MED1: variants seen among roughly 807,000 people sequenced by gnomAD.
MED1 encodes the protein mediator of RNA polymerase II transcription subunit 1.
A neutral mutation model predicts 121.3 loss-of-function variants in MED1; 17 were observed. The ratio of observed to expected loss-of-function variants is 0.14; its 90% confidence interval spans 0.10 to 0.21. MED1 has a LOEUF of 0.21. MED1 is among the 10% of genes least tolerant of loss of function. The pLI is 1.00. For synonymous variants in MED1, 661 were observed against 694.4 expected, an observed-to-expected ratio of 0.95 and a Z score of 0.76; for missense variants, 1,558 against 1,919.4, an observed-to-expected ratio of 0.81 and a Z score of 3.52.
chr17:39,434,537 G>A (rs1031453209), intron 6 of MED1, among the ~76,000 whole-genome samples: 1 of 152,146 alleles, frequency 6.6e-6, no homozygotes, highest in Non-Finnish European at 1.5e-5. Flanking sequence ...TTCTGGAGAA[G>A]GTGCTAATAA....
chr17:39,435,009 C>CA (rs1405600632), intron 6 of MED1, among the ~76,000 whole-genome samples: 2 of 150,786 alleles, frequency 1.3e-5, no homozygotes, highest in Non-Finnish European at 3.0e-5. Context: ...ATTAAAAATA[C>CA]AAAAAAAAAT....
Position 39,409,348 on chromosome 17 carries a change from A to T in MED1, c.2873T>A (p.Leu958Gln). 1 of 1,614,060 alleles carries T rather than the reference A, an allele frequency of 6.2e-7. No homozygotes were observed. Among genetic ancestry groups the T allele is most frequent in the Admixed American group, 1.7e-5 (1 of 60,002 alleles). The change falls in exon 17 of 17, where the codon CTG (leucine) becomes CAG (glutamine). Residue 958 changes from leucine to glutamine, a missense_variant. By Grantham distance (113) the Leu-to-Gln change is moderately radical (BLOSUM62 -2). Transcript: ENST00000300651. ...TTCTTTCCCTAAGTCCCCAGTGGTC[A>T]GTAAAGGACCCTGACTACCACTGTG... ...EHHSGSQGPL[L>Q]TTGDLGKEKT...
chr17:39,419,873 G>C lies in MED1; in HGVS notation c.1141C>G (p.Pro381Ala). ...QHCYFLNKDAPLPDGRSLQGT... is the reference protein window; with the variant it reads ...QHCYFLNKDAALPDGRSLQGT... ...TGTAGACTTCGGCCATCTGGAAGAG[G>C]AGCATCCTTGTTGAGGAAATAGCAG... Residue 381 changes from proline (P) to alanine (A), a missense_variant, in exon 14 of 17, where the codon CCT (proline) becomes GCT (alanine). Physicochemically the swap from Pro to Ala is conservative, Grantham distance 27. Around this residue, in one of 5 missense-constraint regions of MED1, gnomAD observed 443 missense variants for 532.4 expected, o/e 0.83. Transcript: ENST00000300651. 4 of 1,614,116 alleles carry C rather than the reference G, an allele frequency of 2.5e-6. No individual in the cohort carries two copies. Among genetic ancestry groups the C allele is most frequent in the Non-Finnish European group, 3.4e-6 (4 of 1,180,006 alleles).
intron 13 of MED1, among the ~76,000 whole-genome samples, chr17:39,421,142 G>A (rs1375886467): frequency 3.3e-5 from 5 of 150,280 alleles, no homozygotes; most frequent in Non-Finnish European, 5.9e-5. Flanking sequence ...ACAGGATTTT[G>A]CCGGAGGATG....
Position 39,409,742 on chromosome 17 carries a change from G to T in MED1, c.2479C>A (p.Gln827Lys). 1 of 1,614,158 alleles carries T rather than the reference G, an allele frequency of 6.2e-7. No homozygotes were observed. The highest frequency in any genetic ancestry group is 1.3e-5 in the African/African-American group (1 of 75,034). Residue 827 changes from glutamine to lysine, a missense_variant, in exon 17 of 17, where the codon CAA becomes AAA. Transcript: ENST00000300651. ...TATGGATTTTCATTATTGTTAGTTT[G>T]AAAGACATCAGAGTCAAACAGGGTA... ...QSTLFDSDVF[Q>K]TNNNENPYTD...
Position 39,408,724 on chromosome 17 carries a change from C to T in MED1, c.3497G>A (p.Gly1166Asp), listed in dbSNP as rs1377466642. 2 of 1,614,206 alleles carry T rather than the reference C, an allele frequency of 1.2e-6. No individual in the cohort carries two copies. The highest frequency in any genetic ancestry group is 4.5e-5 in the East Asian group (2 of 44,888). Residue 1166 changes from glycine (G) to aspartate (D), a missense_variant, in exon 17 of 17, where the codon GGC becomes GAC. By Grantham distance (94) the Gly-to-Asp change is moderately conservative. Around this residue, in one of 5 missense-constraint regions of MED1, gnomAD observed 793 missense variants for 898.2 expected, o/e 0.88. Coordinates refer to ENST00000300651, the MANE Select transcript of MED1 (RefSeq NM_004774.4). This position sits in a 1 kb window ranked among gnomAD's most constrained non-coding sequence, Gnocchi z 4.7. ...SPITKHGLSS[G>D]SSSTKMKPQG... ...AGGTTTCATCTTGGTGCTGCTAGAG[C>T]CACTGCTCAGTCCATGCTTGGTTAT...
intron 1 of MED1, among the ~76,000 whole-genome samples, chr17:39,448,548 C>CAAAA (rs71147333): frequency 5.7e-5 from 4 of 70,028 alleles, no homozygotes; most frequent in African/African-American, 1.8e-4. Flanking sequence ...GACATTGTGT[C>CAAAA]AAAAAAAAAA....
chr17:39,447,919 A>G lies in MED1; in HGVS notation c.26-15T>C. 1 of 1,553,992 alleles carries G rather than the reference A, an allele frequency of 6.4e-7. No homozygotes were observed. The highest frequency in any genetic ancestry group is 1.1e-5 in the South Asian group (1 of 88,906). On this transcript the variant is annotated splice_polypyrimidine_tract_variant and intron_variant, in intron 1 of 16. Coordinates refer to ENST00000300651, the MANE Select transcript of MED1 (RefSeq NM_004774.4). ...CTTTTCTGACTCTATGATTTAAATC[A>G]GAAAACGTTATCAGTAACTGTTCTA...
chr17:39,407,425 A>C lies in MED1; in HGVS notation c.*50T>G. 2 of 1,541,494 alleles carry C rather than the reference A, an allele frequency of 1.3e-6. No individual in the cohort carries two copies. Among genetic ancestry groups the C allele is most frequent in the Non-Finnish European group, 1.7e-6 (2 of 1,148,208 alleles). On this transcript the variant is annotated 3_prime_UTR_variant, in exon 17 of 17. Coordinates refer to ENST00000300651, the MANE Select transcript of MED1 (RefSeq NM_004774.4). ...CTTATGGTGGTTTGCCTATAAACTT[A>C]TCAATAGTTTTTTTTCCTCTGGCCC...
rs752497348 is a variant in MED1, at chr17:39,408,257, C to T, written c.3964G>A (p.Glu1322Lys). 1.2e-6 allele frequency: 2 copies of T among 1,614,018 alleles called. No individual in the cohort carries two copies. The highest frequency in any genetic ancestry group is 3.3e-5 in the Admixed American group (2 of 60,002). The change falls in exon 17 of 17, where the codon GAA (glutamate) becomes AAA (lysine). Residue 1322 changes from glutamate (E) to lysine (K), a missense_variant. Physicochemically the swap from Glu to Lys is moderately conservative, Grantham distance 56 (BLOSUM62 1). This residue lies in a region of MED1 where 264 missense variants were observed against 326.1 expected (regional missense o/e 0.81). Transcript: ENST00000300651. This position sits in a 1 kb window ranked among gnomAD's most constrained non-coding sequence, Gnocchi z 4.7. ...CCCATCTGGCCGTCCAGTGGGTCTT[C>T]ACCCCCAGGGCCACTGGTGACAACC... ...HGVVTSGPGGEDPLDGQMGVS... is the reference protein window; with the variant it reads ...HGVVTSGPGGKDPLDGQMGVS...
intron 7 of MED1, among the ~76,000 whole-genome samples, chr17:39,433,546 T>TATATATATATATAC (rs540103395): frequency 3.2e-4 from 48 of 150,520 alleles, no homozygotes; most frequent in African/African-American, 1.1e-3. Flanking sequence ...TATATATATA[T>TATATATATATATAC]ACACACATAT....
chr17:39,437,738 C>A (rs2144761147), intron 6 of MED1, among the ~76,000 whole-genome samples: 1 of 152,168 alleles, frequency 6.6e-6, no homozygotes, highest in South Asian at 2.1e-4. Context: ...AGTTTGAGAT[C>A]AGCCTGGGCA....
At chr17:39,441,756 A>G (rs906962780) in intron 3 of MED1, among the ~76,000 whole-genome samples, 1 of 152,008 alleles carries the variant, frequency 6.6e-6, no homozygotes, top group African/African-American at 2.4e-5. Flanking sequence ...CCTGGGTGAC[A>G]CAGCGACACT....
intron 3 of MED1, among the ~76,000 whole-genome samples, chr17:39,441,873 C>G (rs1215649561): frequency 6.6e-6 from 1 of 152,098 alleles, no homozygotes; most frequent in Non-Finnish European, 1.5e-5. Flanking sequence ...GAGGCCAAGG[C>G]AGGCAGATCA....
chr17:39,404,974 G>C lies in MED1; in HGVS notation c.*2501C>G, dbSNP rs2048291837. The stretch of plus-strand genomic sequence containing the variant: ...TATGACCAAGAACCCCTAATGTTAA[G>C]TCAAAAGACAGAAGAGGAATCAGGT... On this transcript the variant is annotated 3_prime_UTR_variant, in exon 17 of 17. Transcript: ENST00000300651. 1 of 361,572 alleles carries C rather than the reference G, an allele frequency of 2.8e-6. No individual in the cohort carries two copies. 22.4% of individuals were successfully genotyped at this position (361,572 alleles called of 1,614,324 possible). A position where few individuals can be genotyped will look rare whatever the true frequency, so the allele number is the denominator to read the frequency against.
intron 10 of MED1, among the ~76,000 whole-genome samples, chr17:39,427,081 CA>C (rs911327158): frequency 4.6e-5 from 7 of 152,194 alleles, no homozygotes; most frequent in Non-Finnish European, 4.4e-5. Flanking sequence ...CTACCAGGCC[CA>C]TCCTTCTACA....
intron 6 of MED1, among the ~76,000 whole-genome samples, chr17:39,438,676 C>A (rs1313093845): frequency 6.6e-6 from 1 of 151,884 alleles, no homozygotes; most frequent in Non-Finnish European, 1.5e-5. Context: ...GTTTCACCAT[C>A]TTGGCCAGTC....
chr17:39,439,029 T>C (rs2048647294), intron 6 of MED1, 136 bp downstream of exon 6: 1 of 749,352 alleles, frequency 1.3e-6, no homozygotes, highest in Admixed American at 2.8e-5. Flanking sequence ...CGTGATTAAG[T>C]ATAGACTCTT....
chr17:39,447,996 A>G (rs1597877514), intron 1 of MED1, 92 bp from the exon 2 acceptor site: 1 of 794,098 alleles, frequency 1.3e-6, no homozygotes, highest in East Asian at 2.5e-5. Flanking sequence ...ACTTCATCAC[A>G]GTAAGAATTC....
Sources: gnomAD v4.1 joint callset for allele counts (sites outside exome capture counted in the v4.1 genomes callset) on GRCh38, gnomAD v4.1.1 for gene constraint, gnomAD v4.1.1 regional missense constraint, Gnocchi (gnomAD v3.1) non-coding constraint, MANE v1.5 for transcripts, NCBI Gene and HGNC (gene_info 2026-07-23, HGNC 2026-07-21) for gene names.